Variants in CTSS observed in about 807,000 individuals in gnomAD.
The protein encoded by CTSS is cathepsin S.
In CTSS, 15 loss-of-function variants were observed where a neutral mutation model predicts 39.9. The observed-to-expected ratio is 0.38, with a 90% confidence interval of 0.25 to 0.58. The LOEUF is 0.58. CTSS is among the 20% of genes least tolerant of loss of function. CTSS has a pLI of 0.70. For synonymous variants in CTSS, 126 were observed against 138.2 expected (o/e 0.91, Z 0.62); for missense variants, 250 against 398.2 (o/e 0.63, Z 3.17).
At position 150,739,852 on chromosome 1, in the gene CTSS, A is replaced by C. The variant is rs1429268897; in HGVS notation, c.897-6707T>G. Among the ~76,000 whole-genome samples, 3 of 152,036 alleles carry C rather than the reference A, an allele frequency of 2.0e-5. No individual in the cohort carries two copies. The East Asian group carries it at 5.8e-4, about 29-fold the overall frequency. ...GCCCTAACTCTCTTCCATTGTAAGA[A>C]GGCTGATGAAACTAAAATTAAAGAA... On this transcript the variant is annotated intron_variant, in intron 7 of 7. Transcript: ENST00000368985.
chr1:150,764,831 A>G, intron 1 of CTSS, 67 bp from the exon 2 acceptor site: 7 of 1,559,272 alleles, frequency 4.5e-6, no homozygotes, highest in Non-Finnish European at 6.1e-6. Flanking sequence ...ACATGTTTTC[A>G]TAAGAGAAAA....
At chr1:150,738,922 C>T (rs370292529) in intron 7 of CTSS, among the ~76,000 whole-genome samples, 5 of 152,072 alleles carry the variant, frequency 3.3e-5, no homozygotes, top group Admixed American at 2.0e-4. Context: ...GGGCCAGGTG[C>T]GGTGGCTCAC....
rs1200783660 is a variant in CTSS at position 150,733,195 on chromosome 1, T to C, written c.897-50A>G. The C allele has an allele frequency of 2.2e-6, 3 of 1,387,234 alleles. No homozygotes were observed. In the African/African-American group the frequency reaches 4.3e-5, roughly 20 times the overall value. 85.9% of individuals were successfully genotyped at this position (1,387,234 alleles called of 1,614,324 possible). The stretch of plus-strand genomic sequence containing the variant: ...ATTACAAATGCGTACAATCAAACCA[T>C]GTTATCAACTTTTTATCTCATTGTT... On this transcript the variant is annotated intron_variant, in intron 7 of 7. Transcript: ENST00000368985.
chr1:150,763,631 T>A (rs1012908984), intron 2 of CTSS, among the ~76,000 whole-genome samples: 2 of 152,146 alleles, frequency 1.3e-5, no homozygotes, highest in Non-Finnish European at 2.9e-5. Context: ...GAGTGTCATT[T>A]TTATACAAAA....
At chr1:150,736,316 G>A (rs1652635039) in intron 7 of CTSS, among the ~76,000 whole-genome samples, 1 of 152,120 alleles carries the variant, frequency 6.6e-6, no homozygotes, top group Non-Finnish European at 1.5e-5. Flanking sequence ...TGGTAAAGTA[G>A]CTTGCCAAAA....
intron 2 of CTSS, among the ~76,000 whole-genome samples, chr1:150,758,363 T>C (rs1653178249): frequency 6.6e-6 from 1 of 151,960 alleles, no homozygotes; most frequent in South Asian, 2.1e-4. Context: ...AATAGCATTT[T>C]TGAAGCATTC....
At chr1:150,737,972 G>A (rs1317771348) in intron 7 of CTSS, among the ~76,000 whole-genome samples, 1 of 152,216 alleles carries the variant, frequency 6.6e-6, no homozygotes, top group East Asian at 1.9e-4. Flanking sequence ...CTGAGTGAGA[G>A]AGGGGAGAGT....
chr1:150,740,275 A>G (rs1282860795), intron 7 of CTSS, among the ~76,000 whole-genome samples: 12 of 152,254 alleles, frequency 7.9e-5, no homozygotes, highest in Admixed American at 7.9e-4. Context: ...AATTAGAGAA[A>G]CAATTCTAAG....
chr1:150,749,681 ACT>A (rs1346108039), intron 6 of CTSS, among the ~76,000 whole-genome samples: 1 of 148,524 alleles, frequency 6.7e-6, no homozygotes, highest in Non-Finnish European at 1.5e-5. Flanking sequence ...ACAGGTTTTC[ACT>A]CTGTTGCCCA....
At chr1:150,756,044 G>A (rs1482714430) in intron 3 of CTSS, among the ~76,000 whole-genome samples, 3 of 152,136 alleles carry the variant, frequency 2.0e-5, no homozygotes, top group Non-Finnish European at 4.4e-5. Flanking sequence ...ACAGCTGTAC[G>A]AAAATATTTT....
At chr1:150,738,990 T>A (rs924117632) in intron 7 of CTSS, among the ~76,000 whole-genome samples, 3 of 151,586 alleles carry the variant, frequency 2.0e-5, no homozygotes, top group Non-Finnish European at 4.4e-5. Context: ...AGGACAAGAG[T>A]TCGAGACCAG....
At chr1:150,756,708 C>CTTTTTTTTTTTTTT (rs72242218) in intron 3 of CTSS, among the ~76,000 whole-genome samples, 30 of 131,156 alleles carry the variant, frequency 2.3e-4, no homozygotes, top group South Asian at 1.0e-3. Context: ...TTCTTTCTTT[C>CTTTTTTTTTTTTTT]TTTTTTTTTT....
chr1:150,735,327 A>AT (rs1364203499), intron 7 of CTSS, among the ~76,000 whole-genome samples: 1 of 152,040 alleles, frequency 6.6e-6, no homozygotes, highest in South Asian at 2.1e-4. Flanking sequence ...TGCAGGTCCT[A>AT]TTTTTTTCTC....
In CTSS at chr1:150,758,025, A is replaced by C. The variant is rs750167768; in HGVS notation, c.127-45T>G. On this transcript the variant is annotated intron_variant, in intron 2 of 7. Coordinates refer to ENST00000368985, the MANE Select transcript of CTSS (RefSeq NM_004079.5). Reference sequence around the variant, plus strand: ...AACATAGTCATACTGCATCCTGGACAAATAAGTGTTTGATGATGAAAATGG... The same window carrying C: ...AACATAGTCATACTGCATCCTGGACCAATAAGTGTTTGATGATGAAAATGG... 1.1e-5 allele frequency: 17 copies of C among 1,576,254 alleles called. No homozygotes were observed. The East Asian group carries it at 3.8e-4, about 36-fold the overall frequency.
intron 7 of CTSS, among the ~76,000 whole-genome samples, chr1:150,739,788 C>T (rs1377578577): frequency 6.6e-6 from 1 of 152,152 alleles, no homozygotes; most frequent in Non-Finnish European, 1.5e-5. Flanking sequence ...GCAAACTAGC[C>T]ACAACATGCC....
intron 2 of CTSS, among the ~76,000 whole-genome samples, chr1:150,763,824 T>G (rs587659319): frequency 6.6e-6 from 1 of 152,234 alleles, no homozygotes; most frequent in South Asian, 2.1e-4. Context: ...CCACACTATG[T>G]GGGTATTAAC....
chr1:150,760,920 C>T (rs1653243628), intron 2 of CTSS, among the ~76,000 whole-genome samples: 1 of 151,040 alleles, frequency 6.6e-6, no homozygotes, highest in Admixed American at 6.6e-5. Flanking sequence ...GCGGCTTATG[C>T]TTGTAATCCC....
At chr1:150,739,875 G>T (rs978051755) in intron 7 of CTSS, among the ~76,000 whole-genome samples, 4 of 145,068 alleles carry the variant, frequency 2.8e-5, no homozygotes, top group African/African-American at 1.0e-4. Context: ...TAAAATTAAA[G>T]AAGTTAAATA....
chr1:150,743,120 A>G (rs2101913517), intron 7 of CTSS, among the ~76,000 whole-genome samples: 1 of 152,248 alleles, frequency 6.6e-6, no homozygotes, highest in East Asian at 1.9e-4. Flanking sequence ...TTGCTTTGAT[A>G]TAGCAAACTC....
Sources: gnomAD v4.1 joint callset for allele counts (sites outside exome capture counted in the v4.1 genomes callset) on GRCh38, gnomAD v4.1.1 for gene constraint, MANE v1.5 for transcripts, NCBI Gene and HGNC (gene_info 2026-07-23, HGNC 2026-07-21) for gene names.